TNRC6B: variants seen among roughly 807,000 people sequenced by gnomAD.
TNRC6B encodes trinucleotide repeat-containing gene 6B protein.
In TNRC6B, 52 loss-of-function variants were observed where a neutral mutation model predicts 203.6. The observed-to-expected ratio is 0.26, with a 90% confidence interval of 0.20 to 0.32. TNRC6B has a LOEUF of 0.32. Ranked by LOEUF, TNRC6B falls within the 10% of genes least tolerant of loss-of-function variation. TNRC6B has a pLI of 1.00. For missense variants in TNRC6B, 1,923 were observed against 2,286.2 expected (o/e 0.84, Z 3.24); for synonymous variants, 838 against 845.7 (o/e 0.99, Z 0.16).
chr22:40,048,945 A>G (rs1394606193), intron 1 of TNRC6B, among the ~76,000 whole-genome samples: 1 of 151,810 alleles, frequency 6.6e-6, no homozygotes, highest in Non-Finnish European at 1.5e-5. Flanking sequence ...CCCCCCTCCC[A>G]ACTTCACTGG....
chr22:40,301,966 T>C (rs1042935118), intron 15 of TNRC6B, among the ~76,000 whole-genome samples: 1 of 152,238 alleles, frequency 6.6e-6, no homozygotes, highest in Admixed American at 6.5e-5. Context: ...GGTTATGATC[T>C]GTTAAAATAT....
chr22:40,174,256 T>C (rs889426835), upstream of TNRC6B, among the ~76,000 whole-genome samples: 1 of 151,992 alleles, frequency 6.6e-6, no homozygotes, highest in Non-Finnish European at 1.5e-5. Context: ...CACTGCAACC[T>C]GCAGCCTCCA....
rs1555884661 is a variant in TNRC6B, at chr22:40,132,949, A to AAAAAAT, written c.45+7092_45+7093insTAAAAA. On this transcript the variant is annotated intron_variant, in intron 3 of 23. Coordinates refer to the TNRC6B transcript ENST00000301923. The stretch of plus-strand genomic sequence containing the variant: ...ACAGAGCAAGACTCTGTCTCAAAAA[A>AAAAAAT]AAAAAAAAAAAAAAAAAAAAATATA... Among the ~76,000 whole-genome samples the AAAAAAT allele has an allele frequency of 7.4e-4, 53 of 71,650 alleles. 1 individual carries two copies. Among genetic ancestry groups the AAAAAAT allele is most frequent in the South Asian group, 1.2e-3 (2 of 1,696 alleles). The allele number at this position is 71,650 out of a possible 152,430, so 47.0% of individuals were successfully genotyped here.
At chr22:40,068,705 T>C (rs1391669215) in intron 1 of TNRC6B, among the ~76,000 whole-genome samples, 1 of 152,144 alleles carries the variant, frequency 6.6e-6, no homozygotes, top group Non-Finnish European at 1.5e-5. Context: ...CTTTCAATTC[T>C]GTGTTTTGTT....
rs376009962 is a variant in TNRC6B, at chr22:40,273,449, G to C, written c.2990G>C (p.Trp997Ser). The change falls in exon 7 of 23, where the codon TGG (tryptophan) becomes TCG (serine). Residue 997 changes from tryptophan to serine, a missense_variant. Trp to Ser is a radical substitution (Grantham distance 177). This residue lies in a region of TNRC6B where 599 missense variants were observed against 656.5 expected (regional missense o/e 0.91). Transcript: ENST00000454349. ...GATTCCAAATCTATGCAAGACGGCT[G>C]GGGGGAGAGTGACGGGCCAGTCACA... ...KPNSKSMQDG[W>S]GESDGPVTGA... The C allele has an allele frequency of 3.1e-6, 5 of 1,609,156 alleles. No homozygotes were observed. The highest frequency in any genetic ancestry group is 2.2e-5 in the East Asian group (1 of 44,734).
At chr22:40,064,389 A>G (rs1301114488) in intron 1 of TNRC6B, among the ~76,000 whole-genome samples, 1 of 150,464 alleles carries the variant, frequency 6.6e-6, no homozygotes, top group Non-Finnish European at 1.5e-5. Context: ...TTTTTTTAAG[A>G]TGGCCTTTAT....
chr22:40,154,861 ATATATATATAT>A (rs1161350758), intron 3 of TNRC6B, among the ~76,000 whole-genome samples: 1 of 18,454 alleles, frequency 5.4e-5, no homozygotes, highest in Non-Finnish European at 8.4e-5. Flanking sequence ...AAAAAAAAAA[ATATATATATAT>A]ATATATATAT....
chr22:40,054,877 A>G (rs2067780205), intron 1 of TNRC6B, among the ~76,000 whole-genome samples: 1 of 151,824 alleles, frequency 6.6e-6, no homozygotes, highest in Admixed American at 6.6e-5. Context: ...TCTCTACAAA[A>G]AAAAAAAAAA....
intron 4 of TNRC6B, among the ~76,000 whole-genome samples, chr22:40,169,316 G>A (rs1182612008): frequency 6.6e-6 from 1 of 151,828 alleles, no homozygotes; most frequent in Non-Finnish European, 1.5e-5. Flanking sequence ...ATTTTTAGTA[G>A]AGACGGGGTT....
At position 40,048,879 on chromosome 22, in the gene TNRC6B, C is replaced by T. The variant is rs530790706; in HGVS notation, c.-121+3881C>T. ...TCTTTCTGACAGAGTTTCGCTCTGT[C>T]GCCCAGGCTGGAGTGAAGTGGCATG... On this transcript the variant is annotated intron_variant, in intron 1 of 23. Transcript: ENST00000301923. 3.9e-5 allele frequency among the ~76,000 whole-genome samples: 6 copies of T among 151,966 alleles called. No individual in the cohort carries two copies. The South Asian group carries it at 6.3e-4, about 16-fold the overall frequency.
intron 1 of TNRC6B, among the ~76,000 whole-genome samples, chr22:40,057,271 T>C (rs935045107): frequency 3.3e-5 from 5 of 151,658 alleles, no homozygotes; most frequent in Admixed American, 6.6e-5. Flanking sequence ...TTATTAAATG[T>C]GTACATTGAA....
intron 1 of TNRC6B, among the ~76,000 whole-genome samples, chr22:40,067,135 C>T (rs544880254): frequency 6.6e-6 from 1 of 152,138 alleles, no homozygotes; most frequent in East Asian, 1.9e-4. Flanking sequence ...GGAAGCTTGT[C>T]ACATCATGAT....
At chr22:40,197,251 G>C (rs1002292175) in intron 1 of TNRC6B, among the ~76,000 whole-genome samples, 4 of 151,972 alleles carry the variant, frequency 2.6e-5, no homozygotes, top group African/African-American at 9.7e-5. Context: ...AGGTCTTTGG[G>C]AGCATCCCTG....
intron 1 of TNRC6B, among the ~76,000 whole-genome samples, chr22:40,046,411 C>T (rs559316546): frequency 1.3e-5 from 2 of 152,192 alleles, no homozygotes; most frequent in Non-Finnish European, 2.9e-5. Context: ...ATCAGACTGG[C>T]TTGTCCCACG....
At chr22:40,219,728 TCA>T (rs1053665627) in intron 1 of TNRC6B, among the ~76,000 whole-genome samples, 1 of 152,186 alleles carries the variant, frequency 6.6e-6, no homozygotes, top group African/African-American at 2.4e-5. Context: ...CATTGAGTTC[TCA>T]AATGTCCCCC....
At chr22:40,147,569 C>T (rs889544094) in intron 3 of TNRC6B, among the ~76,000 whole-genome samples, 1 of 152,152 alleles carries the variant, frequency 6.6e-6, no homozygotes, top group Non-Finnish European at 1.5e-5. Context: ...TGCGTCCCCA[C>T]GTGGCAAAAG....
At chr22:40,297,635 A>G (rs911494623) in intron 12 of TNRC6B, among the ~76,000 whole-genome samples, 1 of 152,154 alleles carries the variant, frequency 6.6e-6, no homozygotes, top group Non-Finnish European at 1.5e-5. Context: ...CAGCCTGGCC[A>G]ATATGGTAAA....
intron 1 of TNRC6B, among the ~76,000 whole-genome samples, chr22:40,086,562 C>T (rs1041801558): frequency 1.3e-4 from 20 of 152,244 alleles, no homozygotes; most frequent in Admixed American, 3.9e-4. Context: ...AGGGAGCTCT[C>T]GTTCTTTTCA....
chr22:40,076,487 A>G (rs1350640654), intron 1 of TNRC6B, among the ~76,000 whole-genome samples: 1 of 152,186 alleles, frequency 6.6e-6, no homozygotes, highest in African/African-American at 2.4e-5. Context: ...TTTGCTGGAT[A>G]TCAAATTTTA....
Sources: gnomAD v4.1 joint callset for allele counts (sites outside exome capture counted in the v4.1 genomes callset) on GRCh38, gnomAD v4.1.1 for gene constraint, gnomAD v4.1.1 regional missense constraint, MANE v1.5 for transcripts, NCBI Gene and HGNC (gene_info 2026-07-23, HGNC 2026-07-21) for gene names.